ACADS: variants seen among roughly 807,000 people sequenced by gnomAD.
ACADS encodes short-chain specific acyl-CoA dehydrogenase, mitochondrial.
Under a neutral mutation model 46.8 loss-of-function variants are expected in ACADS, and 28 were observed. The observed-to-expected ratio is 0.60, with a 90% CI of 0.44 to 0.82. The LOEUF is 0.82. Among genes scored for constraint, ACADS ranks in the 40% least tolerant of loss-of-function variants. ACADS has a pLI of 0.00. For missense variants in ACADS, 528 were observed against 578.0 expected (o/e 0.91, Z 0.89); for synonymous variants, 236 against 237.7 (o/e 0.99, Z 0.07).
chr12:120,730,405 A>G (rs1883214889), intron 2 of ACADS, among the ~76,000 whole-genome samples: 1 of 152,184 alleles, frequency 6.6e-6, no homozygotes, highest in Non-Finnish European at 1.5e-5. Flanking sequence ...AATTCCTACA[A>G]CTTTTGATTC....
rs1883600684 is a variant in ACADS, at chr12:120,739,763, TGCCCTGGC to T, written c.*316_*323del. 7 of 412,708 alleles carry T rather than the reference TGCCCTGGC, an allele frequency of 1.7e-5. No individual in the cohort carries two copies. The highest frequency in any genetic ancestry group is 3.2e-5 in the Non-Finnish European group (7 of 222,036). 25.6% of individuals were successfully genotyped at this position (412,708 alleles called of 1,614,324 possible). ...TCAGTTGTCCTCCCGCGGGCCCTGG[TGCCCTGGC>T]ATGAAGGCCCAGTGCGACAGGCCCT... On this transcript the variant is annotated 3_prime_UTR_variant, in exon 10 of 10. Transcript: ENST00000242592.
intron 2 of ACADS, among the ~76,000 whole-genome samples, chr12:120,730,179 C>T (rs1218500727): frequency 6.6e-6 from 1 of 152,160 alleles, no homozygotes; most frequent in South Asian, 2.1e-4. Flanking sequence ...GACGGGGTTT[C>T]ACCATGTTGG....
At chr12:120,731,655 T>G (rs1214848902) in intron 2 of ACADS, among the ~76,000 whole-genome samples, 7 of 152,178 alleles carry the variant, frequency 4.6e-5, no homozygotes, top group Non-Finnish European at 8.8e-5. Flanking sequence ...TTTATTTTTT[T>G]TATTGATCAT....
chr12:120,737,316 T>A (rs745763593), intron 3 of ACADS, 40 bp from the exon 4 acceptor site: 1 of 1,595,516 alleles, frequency 6.3e-7, no homozygotes, highest in Non-Finnish European at 8.6e-7. Flanking sequence ...AGGATGCGCC[T>A]GGGCCTGGGG....
Position 120,739,524 on chromosome 12 carries a change from C to G in ACADS, c.*76C>G. ...CTCCACCCCAACCCCGGCTCAGAGA[C>G]TGGGCGGCCCGGCGGGGGCTCCCTG... On this transcript the variant is annotated 3_prime_UTR_variant, in exon 10 of 10. Coordinates refer to ENST00000242592, the MANE Select transcript of ACADS (RefSeq NM_000017.4). 1 of 1,551,864 alleles carries G rather than the reference C, an allele frequency of 6.4e-7. No homozygotes were observed.
At chr12:120,726,222 C>T (rs1419570363) in intron 1 of ACADS, among the ~76,000 whole-genome samples, 4 of 151,756 alleles carry the variant, frequency 2.6e-5, no homozygotes, top group Non-Finnish European at 4.4e-5. Context: ...GTTCAGGGTG[C>T]GTCCTTCTTC....
Position 120,733,105 on chromosome 12 carries a change from G to A in ACADS, c.211-3881G>A, listed in dbSNP as rs573997456. Among the ~76,000 whole-genome samples the A allele has an allele frequency of 1.7e-3, 258 of 152,362 alleles. 1 individual carries two copies. Among genetic ancestry groups the A allele is most frequent in the African/African-American group, 5.9e-3 (245 of 41,588 alleles). ...GGCGTGGCGGCGCGCGCCTGCAATC[G>A]CAGGCACTCGGCAGGCTGAGGCAGG... is the stretch of plus-strand genomic sequence containing the variant. On this transcript the variant is annotated intron_variant, in intron 2 of 9. Transcript: ENST00000242592.
chr12:120,726,924 G>A, intron 1 of ACADS, 102 bp from the exon 2 acceptor site: 2 of 1,321,106 alleles, frequency 1.5e-6, no homozygotes, highest in Non-Finnish European at 2.2e-6. Flanking sequence ...ATTGCCAGAT[G>A]TCCCTTGGAG....
chr12:120,739,701 G>A lies in ACADS; in HGVS notation c.*253G>A, dbSNP rs1376301769. The A allele has an allele frequency of 2.9e-5, 16 of 556,406 alleles. No individual in the cohort carries two copies. In the East Asian group the frequency reaches 3.1e-4, roughly 11 times the overall value. The allele number at this position is 556,406 out of a possible 1,614,324, so 34.5% of individuals were successfully genotyped here. A position where few individuals can be genotyped will look rare whatever the true frequency, so the allele number is the denominator to read the frequency against. On this transcript the variant is annotated 3_prime_UTR_variant, in exon 10 of 10. Coordinates refer to ENST00000242592, the MANE Select transcript of ACADS (RefSeq NM_000017.4). The stretch of plus-strand genomic sequence containing the variant: ...TAAGTGGCCCTGGCCTCCTGGGGGC[G>A]GGGTTGTGGGGGGGCTGAGCGACAC...
chr12:120,734,941 A>G (rs530720406), intron 2 of ACADS, among the ~76,000 whole-genome samples: 70 of 150,660 alleles, frequency 4.6e-4, no homozygotes, highest in African/African-American at 1.6e-3. Context: ...TGGTAGAGAT[A>G]TGGTTTCACC....
chr12:120,733,898 C>T (rs1402036485), intron 2 of ACADS, among the ~76,000 whole-genome samples: 1 of 151,750 alleles, frequency 6.6e-6, no homozygotes, highest in Non-Finnish European at 1.5e-5. Flanking sequence ...CCATGGCAGC[C>T]ACTTGAGAAA....
intron 2 of ACADS, among the ~76,000 whole-genome samples, chr12:120,734,785 T>C (rs1272627881): frequency 6.8e-6 from 1 of 147,044 alleles, no homozygotes; most frequent in East Asian, 2.0e-4. Flanking sequence ...AGATTCTCGC[T>C]CTGTCGCCCA....
chr12:120,738,616 C>G lies in ACADS; in HGVS notation c.879C>G (p.Tyr293Ter). 1 of 1,613,340 alleles carries G rather than the reference C, an allele frequency of 6.2e-7. No individual in the cohort carries two copies. The highest frequency in any genetic ancestry group is 1.3e-5 in the African/African-American group (1 of 75,074). ...CCGCCCTCGATTGTGCTGTGAACTA[C>G]GCTGAGAATCGCATGGCCTTCGGGG... The part of the protein sequence containing the change: ...AQTALDCAVN[Y>*]AENRMAFGAP... Residue 293 changes from tyrosine to a stop codon, truncating the protein, a stop_gained, in exon 7 of 10, where the codon TAC (tyrosine) becomes TAG (stop). Coordinates refer to ENST00000242592, the MANE Select transcript of ACADS (RefSeq NM_000017.4). LOFTEE classifies it high-confidence loss of function.
intron 2 of ACADS, among the ~76,000 whole-genome samples, chr12:120,733,897 C>T (rs1452504727): frequency 6.6e-6 from 1 of 151,822 alleles, no homozygotes; most frequent in African/African-American, 2.4e-5. Flanking sequence ...ACCATGGCAG[C>T]CACTTGAGAA....
intron 2 of ACADS, among the ~76,000 whole-genome samples, chr12:120,730,775 C>T (rs191546132): frequency 4.8e-5 from 6 of 124,270 alleles, no homozygotes; most frequent in East Asian, 4.4e-4. Context: ...CAACAAGTTC[C>T]GGGGTGAAAA....
chr12:120,733,738 T>C (rs182959600), intron 2 of ACADS, among the ~76,000 whole-genome samples: 1 of 151,638 alleles, frequency 6.6e-6, no homozygotes, highest in African/African-American at 2.4e-5. Flanking sequence ...TGGATGAGTT[T>C]CCTATTGCTG....
chr12:120,735,415 A>G (rs1157217446), intron 2 of ACADS, among the ~76,000 whole-genome samples: 1 of 149,480 alleles, frequency 6.7e-6, no homozygotes, highest in Non-Finnish European at 1.5e-5. Context: ...GTTCAACAGT[A>G]CCTCAGCCTG....
At chr12:120,734,156 C>T (rs1331110015) in intron 2 of ACADS, among the ~76,000 whole-genome samples, 1 of 152,216 alleles carries the variant, frequency 6.6e-6, no homozygotes, top group Non-Finnish European at 1.5e-5. Context: ...CACTGGGTGA[C>T]TCTGATCATC....
intron 2 of ACADS, among the ~76,000 whole-genome samples, chr12:120,734,277 G>A (rs998253490): frequency 6.6e-6 from 1 of 152,178 alleles, no homozygotes; most frequent in African/African-American, 2.4e-5. Context: ...CATCTTGGGC[G>A]GTTGCTGTCA....
Sources: gnomAD v4.1 joint callset for allele counts (sites outside exome capture counted in the v4.1 genomes callset) on GRCh38, gnomAD v4.1.1 for gene constraint, MANE v1.5 for transcripts, NCBI Gene and HGNC (gene_info 2026-07-23, HGNC 2026-07-21) for gene names.